Variants in GRIA4 observed in about 807,000 individuals in gnomAD.
GRIA4 encodes glutamate ionotropic receptor AMPA type subunit 4, also known as glutamate receptor 4.
A neutral mutation model predicts 104.0 loss-of-function variants in GRIA4; 34 were observed. The observed-to-expected ratio is 0.33, with a 90% confidence interval of 0.25 to 0.44. The LOEUF is 0.44. GRIA4 is among the 20% of genes least tolerant of loss of function. The pLI, the probability that GRIA4 is intolerant of heterozygous loss-of-function variation, is 1.00. For synonymous variants in GRIA4, 386 were observed against 381.9 expected (o/e 1.01, Z -0.13); for missense variants, 750 against 1,096.5 (o/e 0.68, Z 4.46).
intron 3 of GRIA4, among the ~76,000 whole-genome samples, chr11:105,726,715 C>G (rs1416902196): frequency 1.3e-5 from 2 of 152,130 alleles, no homozygotes; most frequent in Non-Finnish European, 2.9e-5. Flanking sequence ...TGTTCTGCAG[C>G]CTCCACTGGT....
intron 5 of GRIA4, among the ~76,000 whole-genome samples, chr11:105,877,582 T>A (rs543381312): frequency 5.3e-5 from 8 of 152,200 alleles, no homozygotes; most frequent in African/African-American, 1.9e-4. Context: ...CATAGTCCCA[T>A]ATTTCTTGGA....
intron 3 of GRIA4, among the ~76,000 whole-genome samples, chr11:105,738,823 A>T (rs1939119395): frequency 6.6e-6 from 1 of 151,966 alleles, no homozygotes; most frequent in African/African-American, 2.4e-5. Flanking sequence ...GATCACTTAA[A>T]GGTAAAAATA....
intron 3 of GRIA4, among the ~76,000 whole-genome samples, chr11:105,726,214 G>A (rs181490501): frequency 2.6e-5 from 4 of 152,108 alleles, no homozygotes; most frequent in South Asian, 2.1e-4. Context: ...GGAGAGGGGC[G>A]TCCACTATTA....
At chr11:105,892,630 TG>T (rs373359103) in intron 6 of GRIA4, among the ~76,000 whole-genome samples, 31 of 152,284 alleles carry the variant, frequency 2.0e-4, no homozygotes, top group African/African-American at 6.7e-4. Context: ...ACATTTTTAT[TG>T]ACGTGCAGTG....
In GRIA4 at chr11:105,924,458, C is replaced by T; in HGVS notation, c.1536C>T (p.Asp512=). ...CTTTGGTACGAGAGGAGGTCATTGA[C>T]TTTTCTAAGCCCTTCATGAGTTTGG... ...TITLVREEVI[D]FSKPFMSLGI... is the part of the protein sequence containing the mutation. Residue 512 remains aspartate, a synonymous_variant, in exon 12 of 17, where the codon GAC becomes GAT. Transcript: ENST00000282499. 1 of 1,611,434 alleles carries T rather than the reference C, an allele frequency of 6.2e-7. No individual in the cohort carries two copies. The highest frequency in any genetic ancestry group is 8.5e-7 in the Non-Finnish European group (1 of 1,177,916).
intron 4 of GRIA4, among the ~76,000 whole-genome samples, chr11:105,758,846 T>C (rs543002391): frequency 4.6e-5 from 7 of 152,332 alleles, no homozygotes; most frequent in African/African-American, 1.4e-4. Flanking sequence ...GTTGGACTTA[T>C]GACATACAGG....
At chr11:105,760,899 G>C (rs929126876) in intron 4 of GRIA4, among the ~76,000 whole-genome samples, 1 of 151,904 alleles carries the variant, frequency 6.6e-6, no homozygotes, top group Non-Finnish European at 1.5e-5. Flanking sequence ...ATTTCATAGG[G>C]CTTTAGAAGA....
intron 4 of GRIA4, chr11:105,797,685 A>G (rs1942539934): frequency 2.9e-6 from 1 of 347,876 alleles, no homozygotes; most frequent in Admixed American, 3.7e-5. Flanking sequence ...TTCTGAAACT[A>G]TAATGAGTTT....
In GRIA4 at chr11:105,910,430, G is replaced by C; in HGVS notation, c.1159-5G>C. On this transcript the variant is annotated splice_polypyrimidine_tract_variant and splice_region_variant and intron_variant, in intron 9 of 16. Transcript: ENST00000282499. ...ATGTTTTCAAGCATGTTCTCTATTT[G>C]GCAGGTTGGTTACTGGAATGATATG... The C allele has an allele frequency of 7.2e-7, 1 of 1,391,746 alleles. No individual in the cohort carries two copies. The highest frequency in any genetic ancestry group is 1.0e-6 in the Non-Finnish European group (1 of 977,594). 86.2% of individuals were successfully genotyped at this position (1,391,746 alleles called of 1,614,324 possible). A position where few individuals can be genotyped will look rare whatever the true frequency, so the allele number is the denominator to read the frequency against.
At chr11:105,838,490 C>T (rs1944274322) in intron 4 of GRIA4, among the ~76,000 whole-genome samples, 1 of 152,108 alleles carries the variant, frequency 6.6e-6, no homozygotes, top group African/African-American at 2.4e-5. Context: ...ATTTGGCCAA[C>T]ATTTGAAAAG....
chr11:105,716,652 G>A (rs972510537), intron 3 of GRIA4, among the ~76,000 whole-genome samples: 2 of 152,070 alleles, frequency 1.3e-5, no homozygotes, highest in African/African-American at 2.4e-5. Flanking sequence ...ACGTATCAAT[G>A]CAAGCAATAT....
At chr11:105,740,560 A>C (rs1167159491) in intron 3 of GRIA4, among the ~76,000 whole-genome samples, 1 of 152,232 alleles carries the variant, frequency 6.6e-6, no homozygotes, top group African/African-American at 2.4e-5. Flanking sequence ...GTATTCTCCT[A>C]CATAAAAGAC....
At chr11:105,713,937 T>C (rs1288307746) in intron 3 of GRIA4, among the ~76,000 whole-genome samples, 5 of 152,140 alleles carry the variant, frequency 3.3e-5, no homozygotes, top group Non-Finnish European at 5.9e-5. Flanking sequence ...TCAGCGGCTC[T>C]TCAGTGAGTA....
Position 105,894,803 on chromosome 11 carries a change from T to TC in GRIA4, c.727-3466_727-3465insC, listed in dbSNP as rs1337724709. On this transcript the variant is annotated intron_variant, in intron 6 of 16. Transcript: ENST00000282499. ...ATTATTGCTACATATTTTTTTTTTT[T>TC]TTTTTTTGAGACGGAGTCTCGCTCT... Among the ~76,000 whole-genome samples, 7 of 102,424 alleles carry TC rather than the reference T, an allele frequency of 6.8e-5. 2 individuals are homozygous for TC. Among genetic ancestry groups the TC allele is most frequent in the Admixed American group, 4.5e-4 (4 of 8,826 alleles). The allele number at this position is 102,424 out of a possible 152,430, so 67.2% of individuals were successfully genotyped here.
chr11:105,866,545 G>GTATATATATATATA (rs775973048), intron 5 of GRIA4, among the ~76,000 whole-genome samples: 1 of 71,210 alleles, frequency 1.4e-5, no homozygotes, highest in African/African-American at 6.2e-5. Context: ...ATGTGTGTGT[G>GTATATATATATATA]TGTGTGTATA....
intron 14 of GRIA4, among the ~76,000 whole-genome samples, chr11:105,961,524 C>A (rs1264826494): frequency 6.6e-6 from 1 of 152,132 alleles, no homozygotes; most frequent in African/African-American, 2.4e-5. Context: ...ATGAAGAGAG[C>A]ACTCCAGTGA....
intron 4 of GRIA4, among the ~76,000 whole-genome samples, chr11:105,830,522 G>C (rs1331902559): frequency 1.3e-5 from 2 of 152,048 alleles, no homozygotes; most frequent in African/African-American, 4.8e-5. Flanking sequence ...AGCCCCTATA[G>C]AGTTGATGAT....
At chr11:105,671,619 G>T (rs1164675483) in intron 3 of GRIA4, among the ~76,000 whole-genome samples, 3 of 134,190 alleles carry the variant, frequency 2.2e-5, no homozygotes, top group Non-Finnish European at 3.1e-5. Context: ...TGGAGGTTGC[G>T]GTGAGCTGAG....
chr11:105,795,129 T>A (rs1942426697), intron 4 of GRIA4, among the ~76,000 whole-genome samples: 2 of 152,168 alleles, frequency 1.3e-5, no homozygotes, highest in Admixed American at 6.6e-5. Flanking sequence ...GCTGCATAAC[T>A]GGTTACTTTT....
Sources: allele counts gnomAD v4.1 joint callset (sites outside exome capture counted in the v4.1 genomes callset), GRCh38; gene constraint gnomAD v4.1.1; transcripts MANE v1.5; gene names NCBI Gene and HGNC (gene_info 2026-07-23, HGNC 2026-07-21).